The following XRCC4 variants were observed in gnomAD, a reference collection of about 807,000 sequenced individuals.
XRCC4 encodes DNA repair protein XRCC4.
A neutral mutation model predicts 39.1 loss-of-function variants in XRCC4; 28 were observed. That is an observed-to-expected ratio of 0.72 (90% CI 0.53 to 0.98). XRCC4 has a LOEUF of 0.98. XRCC4 is among the 50% of genes least tolerant of loss of function. The probability of loss-of-function intolerance (pLI) is 0.00; values close to 1 mark genes in which losing one functional copy is unlikely to be tolerated. For synonymous variants in XRCC4, 123 were observed against 126.4 expected, an observed-to-expected ratio of 0.97 and a Z score of 0.18; for missense variants, 350 against 376.4, an observed-to-expected ratio of 0.93 and a Z score of 0.58.
chr5:83,349,836 A>T lies in XRCC4; in HGVS notation c.894-3295A>T, dbSNP rs1373146380. On this transcript the variant is annotated intron_variant, in intron 7 of 7. Coordinates refer to ENST00000396027, the MANE Select transcript of XRCC4 (RefSeq NM_003401.5). ...TACAGGGGTGTATTGCATGATACTGAGGTTTAGGATAGGGATCTCATCACC... is the reference window on the plus strand; with the variant it reads ...TACAGGGGTGTATTGCATGATACTGTGGTTTAGGATAGGGATCTCATCACC... Among the ~76,000 whole-genome samples, 5 of 152,046 alleles carry T rather than the reference A, an allele frequency of 3.3e-5. No homozygotes were observed. In the East Asian group the frequency reaches 9.7e-4, roughly 29 times the overall value.
At position 83,301,281 on chromosome 5, in the gene XRCC4, G is replaced by T. The variant is rs181756595; in HGVS notation, c.893+42604G>T. Among the ~76,000 whole-genome samples, 354 of 152,268 alleles carry T rather than the reference G, an allele frequency of 2.3e-3. 2 individuals carry two copies. The highest frequency in any genetic ancestry group is 8.1e-3 in the African/African-American group (335 of 41,548). The stretch of plus-strand genomic sequence containing the variant: ...TTTAATGATCACCATTCTTACTGGC[G>T]TGAGATGGTATCTCATTGTGGTTTT... On this transcript the variant is annotated intron_variant, in intron 7 of 7. Coordinates refer to ENST00000396027, the MANE Select transcript of XRCC4 (RefSeq NM_003401.5).
rs144653114 is a variant in XRCC4 at position 83,111,195 on chromosome 5, G to C, written c.307G>C (p.Asp103His). 4 of 1,583,802 alleles carry C rather than the reference G, an allele frequency of 2.5e-6. No homozygotes were observed. The East Asian group carries it at 9.2e-5, about 36-fold the overall frequency. ...CYFFFEKNLK[D>H]VSFRLGSFNL... Reference sequence around the variant, plus strand: ...TTTCTTCTTTGAGAAAAACCTGAAAGATGTCTCAGTAAGTAAAACTTTCCA... The same window carrying C: ...TTTCTTCTTTGAGAAAAACCTGAAACATGTCTCAGTAAGTAAAACTTTCCA... The change falls in exon 3 of 8, where the codon GAT becomes CAT. Residue 103 changes from aspartate to histidine, a missense_variant. By Grantham distance (81) the Asp-to-His change is moderately conservative (BLOSUM62 -1). Transcript: ENST00000396027.
rs147875093 is a variant in XRCC4 at position 83,308,213 on chromosome 5, T to A, written c.894-44918T>A. ...TCAATAAAACAAAGCTTGAGCCCTG[T>A]AAGAAATTCTTGTGTAGTCATATTA... On this transcript the variant is annotated intron_variant, in intron 7 of 7. Coordinates refer to ENST00000396027, the MANE Select transcript of XRCC4 (RefSeq NM_003401.5). Among the ~76,000 whole-genome samples, 305 of 152,320 alleles carry A rather than the reference T, an allele frequency of 2.0e-3. 1 individual carries two copies. Among genetic ancestry groups the A allele is most frequent in the African/African-American group, 6.7e-3 (280 of 41,582 alleles).
At chr5:83,227,050 A>C (rs1348735513) in intron 6 of XRCC4, among the ~76,000 whole-genome samples, 3 of 152,034 alleles carry the variant, frequency 2.0e-5, no homozygotes, top group African/African-American at 7.2e-5. Context: ...TCTTTTGCAT[A>C]ATTTCAATTC....
intron 7 of XRCC4, among the ~76,000 whole-genome samples, chr5:83,329,301 A>T (rs1756363100): frequency 6.6e-6 from 1 of 152,158 alleles, no homozygotes; most frequent in South Asian, 2.1e-4. Context: ...CCACATTAAA[A>T]TAAGAAGTGT....
At chr5:83,212,626 G>A (rs1751692413) in intron 6 of XRCC4, among the ~76,000 whole-genome samples, 1 of 152,088 alleles carries the variant, frequency 6.6e-6, no homozygotes. Context: ...AACTTTAAGT[G>A]AGATAAATAC....
chr5:83,349,785 T>A (rs1757025020), intron 7 of XRCC4, among the ~76,000 whole-genome samples: 1 of 152,156 alleles, frequency 6.6e-6, no homozygotes, highest in African/African-American at 2.4e-5. Flanking sequence ...TTATTTTAGA[T>A]ACAGGGGGTA....
intron 3 of XRCC4, among the ~76,000 whole-genome samples, chr5:83,144,580 G>T (rs1748360867): frequency 9.0e-6 from 1 of 111,436 alleles, no homozygotes; most frequent in South Asian, 2.8e-4. Flanking sequence ...CCACGGATTG[G>T]CTGAGCTTCT....
chr5:83,332,309 C>T (rs1338026067), intron 7 of XRCC4, among the ~76,000 whole-genome samples: 2 of 151,460 alleles, frequency 1.3e-5, no homozygotes, highest in Non-Finnish European at 2.9e-5. Flanking sequence ...TGCACTGTGT[C>T]TGGAACGTAA....
chr5:83,234,271 A>G (rs886355701), intron 6 of XRCC4, among the ~76,000 whole-genome samples: 2 of 152,178 alleles, frequency 1.3e-5, no homozygotes, highest in Admixed American at 6.5e-5. Flanking sequence ...TGCCATCCGA[A>G]TAATTTTGAA....
Position 83,289,537 on chromosome 5 carries a change from A to G in XRCC4, c.893+30860A>G, listed in dbSNP as rs74848280. ...GCTTTCCTAAATTCTTCTCAGAGAT[A>G]GTCTGCATCTTCAGCTCTTTCAACT... On this transcript the variant is annotated intron_variant, in intron 7 of 7. Coordinates refer to ENST00000396027, the MANE Select transcript of XRCC4 (RefSeq NM_003401.5). 7.8e-3 allele frequency among the ~76,000 whole-genome samples: 1,180 copies of G among 152,004 alleles called. 9 individuals carry two copies. The highest frequency in any genetic ancestry group is 0.026 in the African/African-American group (1,070 of 41,528).
intron 6 of XRCC4, among the ~76,000 whole-genome samples, chr5:83,254,681 T>C (rs1168914575): frequency 6.6e-6 from 1 of 152,158 alleles, no homozygotes; most frequent in African/African-American, 2.4e-5. Context: ...ACAGTCATTG[T>C]TCAAGGGAGC....
At chr5:83,316,793 A>G (rs1322458729) in intron 7 of XRCC4, among the ~76,000 whole-genome samples, 3 of 138,358 alleles carry the variant, frequency 2.2e-5, no homozygotes, top group East Asian at 5.0e-4. Context: ...AGACAGAACA[A>G]CGAGACAGAA....
chr5:83,175,043 T>C (rs1040932721), intron 3 of XRCC4, among the ~76,000 whole-genome samples: 1 of 152,190 alleles, frequency 6.6e-6, no homozygotes, highest in African/African-American at 2.4e-5. Context: ...GAATGTTCAA[T>C]TGAATTTCAA....
chr5:83,116,942 T>C (rs1290409844), intron 3 of XRCC4, among the ~76,000 whole-genome samples: 1 of 152,136 alleles, frequency 6.6e-6, no homozygotes, highest in East Asian at 1.9e-4. Flanking sequence ...ATTTCTAATG[T>C]AGTGAAATAT....
chr5:83,316,406 G>A (rs2112113379), intron 7 of XRCC4, among the ~76,000 whole-genome samples: 1 of 151,534 alleles, frequency 6.6e-6, no homozygotes, highest in Admixed American at 6.6e-5. Flanking sequence ...ACACAGACTG[G>A]CAAGTTGGAT....
chr5:83,118,515 G>A (rs1746849032), intron 3 of XRCC4, among the ~76,000 whole-genome samples: 1 of 152,140 alleles, frequency 6.6e-6, no homozygotes, highest in Non-Finnish European at 1.5e-5. Flanking sequence ...AGTCCAAGAT[G>A]ACTTGTCTAG....
intron 7 of XRCC4, among the ~76,000 whole-genome samples, chr5:83,295,991 G>T (rs1755082028): frequency 6.6e-6 from 1 of 152,062 alleles, no homozygotes; most frequent in African/African-American, 2.4e-5. Context: ...TTGTAATCCA[G>T]ATGAGAGATG....
the XRCC4 span, among the ~76,000 whole-genome samples, chr5:83,373,183 C>A: frequency 6.6e-6 from 1 of 152,004 alleles, no homozygotes; most frequent in Non-Finnish European, 1.5e-5. Context: ...CCAGCATTGG[C>A]TCCTGTTTCT....
Sources: gnomAD v4.1 joint callset for allele counts (sites outside exome capture counted in the v4.1 genomes callset) on GRCh38, gnomAD v4.1.1 for gene constraint, MANE v1.5 for transcripts, NCBI Gene and HGNC (gene_info 2026-07-23, HGNC 2026-07-21) for gene names.